Variants in FHIT observed in about 807,000 individuals in gnomAD.
FHIT encodes fragile histidine triad diadenosine triphosphatase.
In FHIT, 19 loss-of-function variants were observed where a neutral mutation model predicts 17.9. The observed-to-expected ratio is 1.06, with a 90% CI of 0.74 to 1.56. The LOEUF (loss-of-function observed/expected upper bound fraction) is 1.56, where lower values mean the gene tolerates loss of function less well. Among genes scored for constraint, FHIT ranks in the 40% most tolerant of loss-of-function variants. The pLI, the probability that FHIT is intolerant of heterozygous loss-of-function variation, is 0.00. For missense variants in FHIT, 248 were observed against 189.2 expected (o/e 1.31, Z -1.82); for synonymous variants, 81 against 69.7 (o/e 1.16, Z -0.81).
At chr3:60,025,666 G>C (rs1445562030) in intron 5 of FHIT, among the ~76,000 whole-genome samples, 1 of 151,428 alleles carries the variant, frequency 6.6e-6, no homozygotes, top group Non-Finnish European at 1.5e-5. Context: ...AGATGATTGT[G>C]TGATCCATTC....
Position 60,415,822 on chromosome 3 carries a change from T to C in FHIT, c.103+121038A>G, listed in dbSNP as rs936144947. 1.7e-4 allele frequency among the ~76,000 whole-genome samples: 26 copies of C among 149,536 alleles called. 1 individual carries two copies. Among genetic ancestry groups the C allele is most frequent in the East Asian group, 1.2e-3 (6 of 5,136 alleles). ...CTCTGAGCCTCACTTTCCTCATCTA[T>C]AAAATAATAATAATTACTTTGGGAT... On this transcript the variant is annotated intron_variant, in intron 5 of 9. Transcript: ENST00000492590.
chr3:61,174,955 C>T (rs930600837), intron 2 of FHIT, among the ~76,000 whole-genome samples: 2 of 152,174 alleles, frequency 1.3e-5, no homozygotes, highest in African/African-American at 2.4e-5. Context: ...ATGCAATGAT[C>T]TCGAGGAAAC....
At chr3:59,756,684 G>C (rs747166825) in intron 8 of FHIT, among the ~76,000 whole-genome samples, 1 of 152,132 alleles carries the variant, frequency 6.6e-6, no homozygotes, top group African/African-American at 2.4e-5. Flanking sequence ...CTTGCATTTG[G>C]TAACTAGGTT....
At chr3:60,427,258 G>A (rs1051271947) in intron 5 of FHIT, among the ~76,000 whole-genome samples, 11 of 152,098 alleles carry the variant, frequency 7.2e-5, no homozygotes, top group East Asian at 1.9e-4. Context: ...GAGAATGAAC[G>A]CTGCGCAGTA....
chr3:60,689,783 A>G (rs2040944490), intron 4 of FHIT, among the ~76,000 whole-genome samples: 1 of 152,208 alleles, frequency 6.6e-6, no homozygotes, highest in Non-Finnish European at 1.5e-5. Flanking sequence ...CCTTGTAAAT[A>G]TGATCCTGGG....
At position 60,152,546 on chromosome 3, in the gene FHIT, G is replaced by C. The variant is rs1162945638; in HGVS notation, c.104-138394C>G. On this transcript the variant is annotated intron_variant, in intron 5 of 9. Coordinates refer to ENST00000492590, the MANE Select transcript of FHIT (RefSeq NM_002012.4). The stretch of plus-strand genomic sequence containing the variant: ...GGAGTTTTCACACAATACACAAATG[G>C]AGGATCAACTAACAGGCTGCCAGTC... 2.0e-5 allele frequency among the ~76,000 whole-genome samples: 3 copies of C among 152,140 alleles called. No individual in the cohort carries two copies. In the East Asian group the frequency reaches 5.8e-4, roughly 29 times the overall value.
chr3:61,046,240 TA>T (rs1166484924), intron 2 of FHIT, among the ~76,000 whole-genome samples: 2 of 152,002 alleles, frequency 1.3e-5, no homozygotes, highest in Admixed American at 6.6e-5. Context: ...GATAGACTGC[TA>T]GCAAGACTGG....
chr3:60,122,790 G>A (rs35345892), intron 5 of FHIT, among the ~76,000 whole-genome samples: 73,511 of 151,974 alleles, frequency 0.48, 18,352 homozygotes, highest in African/African-American at 0.56. Context: ...CCATTTAGAA[G>A]GGAAGAATAA....
At chr3:60,096,209 A>G (rs1329453656) in intron 5 of FHIT, among the ~76,000 whole-genome samples, 1 of 152,124 alleles carries the variant, frequency 6.6e-6, no homozygotes, top group African/African-American at 2.4e-5. Flanking sequence ...ATGAGGATAC[A>G]CTGACAATCA....
chr3:59,971,809 T>C (rs1411417830), intron 7 of FHIT, among the ~76,000 whole-genome samples: 2 of 152,148 alleles, frequency 1.3e-5, no homozygotes, highest in East Asian at 3.9e-4. Flanking sequence ...ACTGTGGGCA[T>C]TTCAAGGGTC....
chr3:60,178,367 A>G (rs914701998), intron 5 of FHIT, among the ~76,000 whole-genome samples: 1 of 152,252 alleles, frequency 6.6e-6, no homozygotes, highest in South Asian at 2.1e-4. Context: ...CGGGCGGATC[A>G]CCTCAGGTCG....
At chr3:60,124,193 C>A (rs573748519) in intron 5 of FHIT, among the ~76,000 whole-genome samples, 3 of 150,988 alleles carry the variant, frequency 2.0e-5, no homozygotes, top group African/African-American at 7.3e-5. Context: ...ACTGGGATTA[C>A]AGGCATGAAC....
At chr3:59,892,770 C>T (rs560750604) in intron 8 of FHIT, among the ~76,000 whole-genome samples, 1 of 152,134 alleles carries the variant, frequency 6.6e-6, no homozygotes, top group South Asian at 2.1e-4. Context: ...AAAGACGAAA[C>T]CCAGAGCAAA....
At chr3:60,990,126 A>G (rs1051776112) in intron 3 of FHIT, among the ~76,000 whole-genome samples, 1 of 152,174 alleles carries the variant, frequency 6.6e-6, no homozygotes, top group Non-Finnish European at 1.5e-5. Flanking sequence ...CTGGCATGCA[A>G]GATTCTAAGA....
chr3:60,039,896 T>A (rs1470878828), intron 5 of FHIT, among the ~76,000 whole-genome samples: 1 of 152,202 alleles, frequency 6.6e-6, no homozygotes, highest in Non-Finnish European at 1.5e-5. Context: ...ATGGAAGAAA[T>A]TATGAGTTCA....
chr3:59,816,710 G>A lies in FHIT; in HGVS notation c.349-64389C>T, dbSNP rs148294312. On this transcript the variant is annotated intron_variant, in intron 8 of 9. Coordinates refer to ENST00000492590, the MANE Select transcript of FHIT (RefSeq NM_002012.4). ...TATTCCCTAAAGTTCCACAGTCTTT[G>A]TACCCCTCTCACCATGTCAACTTTG... 3.6e-3 allele frequency among the ~76,000 whole-genome samples: 542 copies of A among 152,266 alleles called. 2 individuals carry two copies. The highest frequency in any genetic ancestry group is 6.1e-3 in the Admixed American group (93 of 15,294).
At chr3:61,147,692 TA>T (rs2037265610) in intron 2 of FHIT, among the ~76,000 whole-genome samples, 1 of 151,998 alleles carries the variant, frequency 6.6e-6, no homozygotes, top group African/African-American at 2.4e-5. Context: ...TCCATGGGTT[TA>T]AAATGATTCC....
intron 2 of FHIT, among the ~76,000 whole-genome samples, chr3:61,196,801 G>C (rs1260529767): frequency 6.6e-6 from 1 of 152,208 alleles, no homozygotes; most frequent in Non-Finnish European, 1.5e-5. Context: ...AACCGGAACT[G>C]TGGCCTTCCT....
intron 5 of FHIT, among the ~76,000 whole-genome samples, chr3:60,307,894 T>C (rs1045261656): frequency 3.3e-5 from 5 of 152,094 alleles, no homozygotes; most frequent in Admixed American, 3.3e-4. Flanking sequence ...ACACGTGTAC[T>C]GTGATAATTG....
Sources: allele counts gnomAD v4.1 joint callset (sites outside exome capture counted in the v4.1 genomes callset), GRCh38; gene constraint gnomAD v4.1.1; transcripts MANE v1.5; gene names NCBI Gene and HGNC (gene_info 2026-07-23, HGNC 2026-07-21).